The following LRP1B variants were observed in gnomAD, a reference collection of about 807,000 sequenced individuals.
LRP1B encodes LDL receptor related protein 1B.
Under a neutral mutation model 556.6 loss-of-function variants are expected in LRP1B, and 217 were observed. The observed-to-expected ratio is 0.39, with a 90% confidence interval of 0.35 to 0.44. LRP1B has a LOEUF of 0.44. Among genes scored for constraint, LRP1B ranks in the 20% least tolerant of loss-of-function variants. The probability of loss-of-function intolerance (pLI) is 1.00; values close to 1 mark genes in which losing one functional copy is unlikely to be tolerated. For synonymous variants in LRP1B, 2,047 were observed against 1,865.8 expected, an observed-to-expected ratio of 1.10 and a Z score of -2.50; for missense variants, 5,053 against 5,620.8, an observed-to-expected ratio of 0.90 and a Z score of 3.23.
Position 141,473,323 on chromosome 2 carries a change from C to T in LRP1B, c.343+7073G>A, listed in dbSNP as rs1314359282. 2.6e-5 allele frequency among the ~76,000 whole-genome samples: 4 copies of T among 152,120 alleles called. No individual in the cohort carries two copies. In the South Asian group the frequency reaches 6.2e-4, roughly 24 times the overall value. On this transcript the variant is annotated intron_variant, in intron 3 of 90. Transcript: ENST00000389484. ...TTTAGAGCAGTCCTCCATAAGTGCA[C>T]AATCCTAATTTCATGTAGGTGTCAT...
intron 1 of LRP1B, among the ~76,000 whole-genome samples, chr2:141,890,728 T>C (rs1359015818): frequency 1.3e-5 from 2 of 152,084 alleles, no homozygotes; most frequent in South Asian, 2.1e-4. Flanking sequence ...AAAAACATCA[T>C]ATTGACCTTC....
At chr2:141,766,123 G>GT (rs1225037083) in intron 2 of LRP1B, among the ~76,000 whole-genome samples, 1 of 152,156 alleles carries the variant, frequency 6.6e-6, no homozygotes, top group African/African-American at 2.4e-5. Context: ...AGCTGGAGCT[G>GT]TTTTTTAAGA....
At chr2:141,989,123 T>C (rs1702276166) in intron 1 of LRP1B, among the ~76,000 whole-genome samples, 1 of 152,200 alleles carries the variant, frequency 6.6e-6, no homozygotes, top group East Asian at 1.9e-4. Flanking sequence ...GAACATTTTG[T>C]ATATGGCTAA....
intron 59 of LRP1B, among the ~76,000 whole-genome samples, chr2:140,475,767 T>C (rs16844079): frequency 0.047 from 7,214 of 151,906 alleles, 209 homozygotes; most frequent in African/African-American, 0.051. Context: ...ATTTCCTTAA[T>C]ATACATTGTT....
In LRP1B at chr2:140,743,164, G is replaced by C. The variant is rs963163037; in HGVS notation, c.5758+26049C>G. Among the ~76,000 whole-genome samples the C allele has an allele frequency of 9.2e-5, 14 of 152,140 alleles. No homozygotes were observed. The East Asian group carries it at 2.7e-3, about 29-fold the overall frequency. On this transcript the variant is annotated intron_variant, in intron 35 of 90. Coordinates refer to ENST00000389484, the MANE Select transcript of LRP1B (RefSeq NM_018557.3). ...AACAAATTCCTAATAGTTGATTTTGGAGTGGACTAGAATTTCATGAATAAC... is the reference window on the plus strand; with the variant it reads ...AACAAATTCCTAATAGTTGATTTTGCAGTGGACTAGAATTTCATGAATAAC...
At chr2:141,649,428 C>T (rs2105376539) in intron 2 of LRP1B, among the ~76,000 whole-genome samples, 1 of 152,258 alleles carries the variant, frequency 6.6e-6, no homozygotes, top group Admixed American at 6.5e-5. Context: ...ATTTACCATA[C>T]CTTATTATCC....
chr2:140,470,352 T>G (rs1174558633), intron 60 of LRP1B, among the ~76,000 whole-genome samples: 1 of 152,012 alleles, frequency 6.6e-6, no homozygotes, highest in Non-Finnish European at 1.5e-5. Context: ...GATTAAAACG[T>G]GGAGATTTGG....
chr2:140,973,611 C>T (rs1696503495), intron 18 of LRP1B, among the ~76,000 whole-genome samples: 2 of 152,048 alleles, frequency 1.3e-5, no homozygotes, highest in Admixed American at 1.3e-4. Context: ...CTCAACATGT[C>T]AGTTACATGA....
chr2:141,321,133 G>C (rs1456857471), intron 3 of LRP1B, among the ~76,000 whole-genome samples: 2 of 152,114 alleles, frequency 1.3e-5, no homozygotes, highest in African/African-American at 4.8e-5. Flanking sequence ...CTAGCATTAA[G>C]AGCTGAGAAT....
chr2:141,503,835 T>C lies in LRP1B; in HGVS notation c.206-23302A>G, dbSNP rs116095500. On this transcript the variant is annotated intron_variant, in intron 2 of 90. Transcript: ENST00000389484. Reference sequence around the variant, plus strand: ...GTTTAAATATAATTAAGGCAAACTTTGCCATGTTGAAAACTTTGAAAAGAG... The same window carrying C: ...GTTTAAATATAATTAAGGCAAACTTCGCCATGTTGAAAACTTTGAAAAGAG... Among the ~76,000 whole-genome samples the C allele has an allele frequency of 4.6e-3, 694 of 152,278 alleles. 2 individuals carry two copies. The highest frequency in any genetic ancestry group is 0.016 in the African/African-American group (657 of 41,570).
At chr2:141,847,749 G>C (rs1476386454) in intron 1 of LRP1B, among the ~76,000 whole-genome samples, 2 of 151,466 alleles carry the variant, frequency 1.3e-5, no homozygotes, top group Admixed American at 6.6e-5. Context: ...GTACAGAGAG[G>C]AAATTCTCTA....
chr2:140,364,566 A>C, intron 72 of LRP1B, 95 bp downstream of exon 72: 1 of 1,425,710 alleles, frequency 7.0e-7, no homozygotes, highest in Non-Finnish European at 9.6e-7. Flanking sequence ...CCAGGATGGT[A>C]TAATTGGTAG....
At chr2:141,151,969 A>G (rs1208288544) in intron 7 of LRP1B, among the ~76,000 whole-genome samples, 2 of 152,054 alleles carry the variant, frequency 1.3e-5, no homozygotes, top group African/African-American at 4.8e-5. Flanking sequence ...AATATTTAAT[A>G]ATATTTAATA....
At chr2:141,449,595 A>T (rs933474315) in intron 3 of LRP1B, among the ~76,000 whole-genome samples, 1 of 145,332 alleles carries the variant, frequency 6.9e-6, no homozygotes, top group Non-Finnish European at 1.5e-5. Flanking sequence ...GGAAGCAGTG[A>T]TGTTTTTGAC....
chr2:140,770,937 C>T lies in LRP1B; in HGVS notation c.5570G>A (p.Arg1857Lys), dbSNP rs2104939126. 1 of 1,587,742 alleles carries T rather than the reference C, an allele frequency of 6.3e-7. No individual in the cohort carries two copies. Among genetic ancestry groups the T allele is most frequent in the Non-Finnish European group, 8.6e-7 (1 of 1,169,448 alleles). The change falls in exon 34 of 91, where the codon AGG (arginine) becomes AAG (lysine). Residue 1857 changes from arginine (R) to lysine (K), a missense_variant. Coordinates refer to ENST00000389484, the MANE Select transcript of LRP1B (RefSeq NM_018557.3). ...ATATCCCACTGTACACATACAAGTC[C>T]TTGTAGTTTCAGATGTTGGTAAACA... is the stretch of plus-strand genomic sequence containing the variant. ...QLCLPTSETT[R>K]TCMCTVGYYL...
At chr2:140,913,996 C>A (rs990596557) in intron 21 of LRP1B, among the ~76,000 whole-genome samples, 9 of 152,022 alleles carry the variant, frequency 5.9e-5, no homozygotes, top group Admixed American at 2.6e-4. Flanking sequence ...AATAATGAAG[C>A]AGTTTGGGGC....
chr2:140,850,518 G>A (rs1465051187), intron 28 of LRP1B, among the ~76,000 whole-genome samples, 189 bp from the exon 29 acceptor site: 5 of 152,100 alleles, frequency 3.3e-5, no homozygotes, highest in Non-Finnish European at 7.4e-5. Context: ...TATGAAATGA[G>A]TTAGAAGCCT....
intron 2 of LRP1B, among the ~76,000 whole-genome samples, chr2:141,631,018 C>T (rs1688888029): frequency 1.3e-5 from 2 of 152,142 alleles, no homozygotes; most frequent in African/African-American, 4.8e-5. Flanking sequence ...CTATAAACGA[C>T]TGCCTGAGAC....
intron 2 of LRP1B, among the ~76,000 whole-genome samples, chr2:141,790,772 A>G (rs1695585743): frequency 6.6e-6 from 1 of 152,004 alleles, no homozygotes. Flanking sequence ...TAAGGCTACT[A>G]ATGTTATATG....
Sources: allele counts gnomAD v4.1 joint callset (sites outside exome capture counted in the v4.1 genomes callset), GRCh38; gene constraint gnomAD v4.1.1; transcripts MANE v1.5; gene names NCBI Gene and HGNC (gene_info 2026-07-23, HGNC 2026-07-21).